METTL15: variants seen among roughly 807,000 people sequenced by gnomAD.
METTL15 encodes methyltransferase 15, mitochondrial 12S rRNA N4-cytidine.
A neutral mutation model predicts 38.3 loss-of-function variants in METTL15; 34 were observed. The ratio of observed to expected loss-of-function variants is 0.89; its 90% CI spans 0.68 to 1.18. The LOEUF (loss-of-function observed/expected upper bound fraction) is 1.18, where lower values mean the gene tolerates loss of function less well. METTL15 is among the 50% of genes most tolerant of loss of function. The pLI is 0.00. For synonymous variants in METTL15, 162 were observed against 170.9 expected (o/e 0.95, Z 0.41); for missense variants, 438 against 498.4 (o/e 0.88, Z 1.15).
At chr11:28,302,097 G>A (rs754019599) in intron 6 of METTL15, among the ~76,000 whole-genome samples, 10 of 151,808 alleles carry the variant, frequency 6.6e-5, no homozygotes, top group African/African-American at 9.7e-5. Flanking sequence ...TTTATTTTTA[G>A]AAATAAGGTC....
chr11:28,144,212 A>G (rs936857130), intron 3 of METTL15, among the ~76,000 whole-genome samples: 44 of 152,126 alleles, frequency 2.9e-4, no homozygotes, highest in African/African-American at 1.1e-3. Flanking sequence ...GTGTATGTCA[A>G]TATTTTCTAC....
chr11:28,231,727 T>C (rs1236023969), intron 4 of METTL15, among the ~76,000 whole-genome samples: 4 of 151,912 alleles, frequency 2.6e-5, no homozygotes, highest in South Asian at 2.1e-4. Context: ...ATCCCACTTA[T>C]GTTTCAAGAC....
chr11:28,171,058 C>T (rs184207628), intron 3 of METTL15, among the ~76,000 whole-genome samples: 18 of 152,306 alleles, frequency 1.2e-4, no homozygotes, highest in African/African-American at 4.1e-4. Flanking sequence ...CTGGCCACTA[C>T]TTCAGCTCCC....
chr11:28,479,165 C>G (rs1430870170), intron 6 of METTL15, among the ~76,000 whole-genome samples: 1 of 151,586 alleles, frequency 6.6e-6, no homozygotes. Context: ...AGGGTTGTTG[C>G]TATTTTGTTT....
chr11:28,177,029 G>T (rs1242896681), intron 3 of METTL15, among the ~76,000 whole-genome samples: 1 of 151,912 alleles, frequency 6.6e-6, no homozygotes, highest in Non-Finnish European at 1.5e-5. Flanking sequence ...ATTCTTAGAT[G>T]GATACACTAG....
intron 3 of METTL15, among the ~76,000 whole-genome samples, chr11:28,116,757 T>C (rs1851980233): frequency 6.6e-6 from 1 of 152,302 alleles, no homozygotes; most frequent in Middle Eastern, 3.4e-3. Context: ...CAGCATTCTT[T>C]AAAAAATTTT....
At chr11:28,354,625 T>TC (rs1850074555) in intron 4 of METTL15, among the ~76,000 whole-genome samples, 1 of 152,142 alleles carries the variant, frequency 6.6e-6, no homozygotes, top group African/African-American at 2.4e-5. Context: ...AACCCTGACT[T>TC]TATTGTATCC....
At chr11:28,298,400 T>G (rs1302320075) in intron 6 of METTL15, among the ~76,000 whole-genome samples, 3 of 152,020 alleles carry the variant, frequency 2.0e-5, no homozygotes, top group Non-Finnish European at 4.4e-5. Flanking sequence ...TCCTAAAAAT[T>G]GTCTAGTCAG....
At chr11:28,207,787 T>G (rs34031810) in intron 3 of METTL15, among the ~76,000 whole-genome samples, 2 of 152,056 alleles carry the variant, frequency 1.3e-5, no homozygotes, top group African/African-American at 2.4e-5. Context: ...CAGTTTCAGA[T>G]CCTGTTATTG....
intron 5 of METTL15, among the ~76,000 whole-genome samples, chr11:28,411,568 C>A (rs904740057): frequency 8.6e-5 from 13 of 151,918 alleles, no homozygotes; most frequent in Non-Finnish European, 1.8e-4. Context: ...TTAGATCATA[C>A]ACAGAAATCA....
chr11:28,508,246 T>A (rs1048250165), intron 6 of METTL15, among the ~76,000 whole-genome samples: 3 of 152,182 alleles, frequency 2.0e-5, no homozygotes, highest in Non-Finnish European at 4.4e-5. Context: ...TGTTTTCTCC[T>A]TCCTGTCAGT....
chr11:28,405,664 A>C (rs539449731), intron 5 of METTL15, among the ~76,000 whole-genome samples: 1 of 152,268 alleles, frequency 6.6e-6, no homozygotes, highest in East Asian at 1.9e-4. Context: ...TAAAATCACT[A>C]TACCTCAGAA....
chr11:28,290,056 T>C (rs1214332497), intron 4 of METTL15, 150 bp from the exon 5 acceptor site: 1 of 582,834 alleles, frequency 1.7e-6, no homozygotes, highest in East Asian at 3.1e-5. Context: ...AGTTTCCATA[T>C]CCATGTCTTT....
intron 4 of METTL15, among the ~76,000 whole-genome samples, chr11:28,226,253 G>A (rs1489744535): frequency 6.6e-6 from 1 of 151,784 alleles, no homozygotes; most frequent in Non-Finnish European, 1.5e-5. Context: ...CTTGAATCAG[G>A]GTTCAGATTT....
Position 28,358,420 on chromosome 11 carries a change from C to T in METTL15, c.*259-3517C>T, listed in dbSNP as rs148423780. On this transcript the variant is annotated intron_variant and NMD_transcript_variant, in intron 4 of 7. Coordinates refer to the METTL15 transcript ENST00000532947. ...AATCAATAGAAAACCAAATACACCA[C>T]GTTTGTAACTTTCCCTGAAGCACAA... 3.7e-4 allele frequency among the ~76,000 whole-genome samples: 57 copies of T among 152,282 alleles called. No homozygotes were observed. The East Asian group carries it at 8.5e-3, about 23-fold the overall frequency.
intron 6 of METTL15, among the ~76,000 whole-genome samples, chr11:28,472,731 C>T (rs1445949771): frequency 2.0e-5 from 3 of 151,858 alleles, no homozygotes; most frequent in African/African-American, 4.8e-5. Flanking sequence ...GAGGGTATTG[C>T]AGATATTAAA....
intron 6 of METTL15, among the ~76,000 whole-genome samples, chr11:28,488,917 A>G (rs768010703): frequency 9.9e-5 from 15 of 152,122 alleles, no homozygotes; most frequent in Non-Finnish European, 2.1e-4. Context: ...AATACCAAGC[A>G]GACCTTCACT....
chr11:28,239,931 C>G (rs532809506), intron 4 of METTL15, among the ~76,000 whole-genome samples: 44 of 152,056 alleles, frequency 2.9e-4, no homozygotes, highest in Non-Finnish European at 5.0e-4. Flanking sequence ...CTGTTTACCC[C>G]AACTAGAATA....
chr11:28,259,384 T>G (rs1438861451), intron 4 of METTL15, among the ~76,000 whole-genome samples: 6 of 152,138 alleles, frequency 3.9e-5, no homozygotes, highest in African/African-American at 1.4e-4. Flanking sequence ...CGCCCCGGCC[T>G]GTGTCTGAGT....
Sources: gnomAD v4.1 joint callset for allele counts (sites outside exome capture counted in the v4.1 genomes callset) on GRCh38, gnomAD v4.1.1 for gene constraint, MANE v1.5 for transcripts, NCBI Gene and HGNC (gene_info 2026-07-23, HGNC 2026-07-21) for gene names.